The following TATDN2 variants were observed in gnomAD, a reference collection of about 807,000 sequenced individuals.
TATDN2 encodes TatD DNase domain containing 2, also known as 3'-5' RNA nuclease TATDN2.
A neutral mutation model predicts 60.3 loss-of-function variants in TATDN2; 44 were observed. The ratio of observed to expected loss-of-function variants is 0.73; its 90% CI spans 0.57 to 0.94. TATDN2 has a LOEUF of 0.94. Ranked by LOEUF, TATDN2 falls within the 40% of genes least tolerant of loss-of-function variation. The pLI is 0.00. For missense variants in TATDN2, 997 were observed against 948.0 expected (o/e 1.05, Z -0.68); for synonymous variants, 399 against 355.8 (o/e 1.12, Z -1.37).
rs764427919 is a variant in TATDN2, at chr3:10,276,437, A to G, written c.1910A>G (p.Asp637Gly). ...LVIHCREADE[D>G]LLEIMKKFVP... ...ATCCACTGCCGAGAAGCTGATGAAGATCTGCTAGAAATCATGAAAAAGTTT... is the reference window on the plus strand; with the variant it reads ...ATCCACTGCCGAGAAGCTGATGAAGGTCTGCTAGAAATCATGAAAAAGTTT... Residue 637 changes from aspartate (D) to glycine (G), a missense_variant, in exon 5 of 8, where the codon GAT becomes GGT. By Grantham distance (94) the Asp-to-Gly change is moderately conservative. Coordinates refer to ENST00000448281, the MANE Select transcript of TATDN2 (RefSeq NM_014760.4). The G allele has an allele frequency of 6.2e-7, 1 of 1,614,070 alleles. No homozygotes were observed. The highest frequency in any genetic ancestry group is 8.5e-7 in the Non-Finnish European group (1 of 1,179,986).
chr3:10,266,045 A>G (rs1300989611), intron 3 of TATDN2, among the ~76,000 whole-genome samples: 1 of 152,050 alleles, frequency 6.6e-6, no homozygotes, highest in Non-Finnish European at 1.5e-5. Flanking sequence ...TCATTAACCC[A>G]TCTGTTTTCT....
At position 10,279,856 on chromosome 3, in the gene TATDN2, C is replaced by T. The variant is rs542749356; in HGVS notation, c.*674C>T. 6.5e-6 allele frequency: 1 copy of T among 153,432 alleles called. No homozygotes were observed. The highest frequency in any genetic ancestry group is 2.4e-5 in the African/African-American group (1 of 41,502). The allele number at this position is 153,432 out of a possible 1,614,324, so 9.5% of individuals were successfully genotyped here. On this transcript the variant is annotated 3_prime_UTR_variant, in exon 8 of 8. Coordinates refer to ENST00000448281, the MANE Select transcript of TATDN2 (RefSeq NM_014760.4). The stretch of plus-strand genomic sequence containing the variant: ...GGGGTGCAGAGGAGCACTCATTGTC[C>T]ATGATGGAGATCCAGGACAGACTGG...
intron 2 of TATDN2, among the ~76,000 whole-genome samples, chr3:10,257,313 T>TATATATATATATATATATATATATA (rs1698322412): frequency 6.8e-6 from 1 of 146,558 alleles, no homozygotes; most frequent in South Asian, 2.1e-4. Flanking sequence ...TATATATATA[T>TATATATATATATATATATATATATA]GAATTCCTTA....
intron 4 of TATDN2, among the ~76,000 whole-genome samples, chr3:10,271,838 C>T (rs1402240042): frequency 5.3e-5 from 8 of 152,048 alleles, no homozygotes; most frequent in Admixed American, 3.3e-4. Context: ...AAGCGATTCT[C>T]CTGCCTCAGC....
chr3:10,260,809 T>A, intron 3 of TATDN2, 139 bp downstream of exon 3: 5 of 1,004,694 alleles, frequency 5.0e-6, no homozygotes, highest in Non-Finnish European at 7.1e-6. Context: ...AAACTGATGG[T>A]TTTCTTCTAA....
Position 10,278,369 on chromosome 3 carries a change from C to T in TATDN2, c.2052C>T (p.Tyr684=), listed in dbSNP as rs767832062. The T allele has an allele frequency of 5.6e-6, 9 of 1,614,206 alleles. No homozygotes were observed. In the South Asian group the frequency reaches 9.9e-5, roughly 18 times the overall value. Residue 684 remains tyrosine (Y), a synonymous_variant, in exon 6 of 8, where the codon TAC becomes TAT. Transcript: ENST00000448281. This position sits in a 1 kb window ranked among gnomAD's most constrained non-coding sequence, Gnocchi z 4.7. ...MSVGFTAVLT[Y]SSAWEAREAL... Reference sequence around the variant, plus strand: ...TGGGCTTCACGGCAGTGCTGACATACTCCTCTGCCTGGGAGGCCCGGGAAG... The same window carrying T: ...TGGGCTTCACGGCAGTGCTGACATATTCCTCTGCCTGGGAGGCCCGGGAAG...
At position 10,279,484 on chromosome 3, in the gene TATDN2, T is replaced by C. The variant is rs1318325707; in HGVS notation, c.*302T>C. The C allele has an allele frequency of 2.4e-5, 4 of 170,146 alleles. No individual in the cohort carries two copies. Among genetic ancestry groups the C allele is most frequent in the African/African-American group, 9.6e-5 (4 of 41,520 alleles). The allele number at this position is 170,146 out of a possible 1,614,324, so 10.5% of individuals were successfully genotyped here. On this transcript the variant is annotated 3_prime_UTR_variant, in exon 8 of 8. Transcript: ENST00000448281. ...GCAGCAAAGAAGAAAGAGTGCGATA[T>C]GAGGGTACAGTGAGTTTGGCAGTCC...
chr3:10,249,197 G>T lies in TATDN2; in HGVS notation c.-4G>T. On this transcript the variant is annotated splice_region_variant and 5_prime_UTR_variant, in exon 2 of 8. Transcript: ENST00000448281. Reference sequence around the variant, plus strand: ...TCCAGGCCCCCTGTACCTTGCAGGTGCCCATGGCGTCCGAGCGGGGCAAGG... The same window carrying T: ...TCCAGGCCCCCTGTACCTTGCAGGTTCCCATGGCGTCCGAGCGGGGCAAGG... 1 of 1,510,914 alleles carries T rather than the reference G, an allele frequency of 6.6e-7. No homozygotes were observed. Among genetic ancestry groups the T allele is most frequent in the Non-Finnish European group, 8.9e-7 (1 of 1,128,590 alleles). 93.6% of individuals were successfully genotyped at this position (1,510,914 alleles called of 1,614,324 possible). A position where few individuals can be genotyped will look rare whatever the true frequency, so the allele number is the denominator to read the frequency against.
intron 2 of TATDN2, among the ~76,000 whole-genome samples, chr3:10,259,527 C>T (rs375604306): frequency 6.6e-6 from 1 of 152,296 alleles, no homozygotes; most frequent in Middle Eastern, 3.4e-3. Flanking sequence ...GGCTTCACTT[C>T]CGTCTTGGAG....
At chr3:10,254,752 T>C (rs113268588) in intron 2 of TATDN2, among the ~76,000 whole-genome samples, 1,652 of 152,276 alleles carry the variant, frequency 0.011, 24 homozygotes, top group African/African-American at 0.038. Flanking sequence ...TCTCCACTTA[T>C]CTTTCCTTCT....
chr3:10,252,473 T>C (rs1360013339), intron 2 of TATDN2, among the ~76,000 whole-genome samples: 3 of 152,180 alleles, frequency 2.0e-5, no homozygotes, highest in African/African-American at 4.8e-5. Context: ...AAAAACCAAG[T>C]GTACAGTACT....
chr3:10,278,935 G>C lies in TATDN2; in HGVS notation c.2196G>C (p.Thr732=), dbSNP rs769208984. Residue 732 remains threonine, a synonymous_variant, in exon 7 of 8, where the codon ACG becomes ACC. Coordinates refer to ENST00000448281, the MANE Select transcript of TATDN2 (RefSeq NM_014760.4). The surrounding 1 kb of genome is among the most constrained non-coding windows in gnomAD (Gnocchi z 4.7). ...CCCACCCGGGCCTGGCCTTGCATAC[G>C]GTCCGAGAGATTGCCAGAGTCAAAG... The part of the protein sequence containing the change: ...QYAHPGLALH[T]VREIARVKDQ... 3.1e-6 allele frequency: 5 copies of C among 1,612,212 alleles called. No homozygotes were observed. Among genetic ancestry groups the C allele is most frequent in the Middle Eastern group, 1.7e-4 (1 of 6,054 alleles).
chr3:10,279,077 C>CA lies in TATDN2; in HGVS notation c.*38+15dup. ...CTCCTAGAAAAGGTCGTAAAACTCACATTCTGTATTTTTTAAAAACCAGGA... is the reference window on the plus strand; with the variant it reads ...CTCCTAGAAAAGGTCGTAAAACTCACAATTCTGTATTTTTTAAAAACCAGGA... On this transcript the variant is annotated intron_variant, in intron 7 of 7. Transcript: ENST00000448281. 6.3e-7 allele frequency: 1 copy of CA among 1,577,694 alleles called. No homozygotes were observed. The highest frequency in any genetic ancestry group is 1.2e-5 in the South Asian group (1 of 85,948).
chr3:10,270,415 C>T lies in TATDN2; in HGVS notation c.1233C>T (p.Ser411=), dbSNP rs1430020012. Residue 411 remains serine, a synonymous_variant, in exon 4 of 8, where the codon AGC becomes AGT. Coordinates refer to ENST00000448281, the MANE Select transcript of TATDN2 (RefSeq NM_014760.4). ...SSNDAAQVGK[S]SRSRMSDYSP... ...ACGATGCAGCCCAGGTTGGGAAGAG[C>T]AGCCGGAGCCGCATGAGTGATTATT... The T allele has an allele frequency of 2.5e-6, 4 of 1,614,198 alleles. No homozygotes were observed. Among genetic ancestry groups the T allele is most frequent in the South Asian group, 2.2e-5 (2 of 91,086 alleles).
chr3:10,253,417 G>T (rs1024171013), intron 2 of TATDN2, among the ~76,000 whole-genome samples: 2 of 152,174 alleles, frequency 1.3e-5, no homozygotes, highest in East Asian at 3.8e-4. Flanking sequence ...GTGTTAGACT[G>T]GTCATTTTAG....
At chr3:10,267,892 G>A (rs1201692677) in intron 3 of TATDN2, among the ~76,000 whole-genome samples, 1 of 151,788 alleles carries the variant, frequency 6.6e-6, no homozygotes, top group Non-Finnish European at 1.5e-5. Context: ...AATTCAGCAG[G>A]GAAAAAAAAC....
At chr3:10,263,337 C>T (rs897958397) in intron 3 of TATDN2, among the ~76,000 whole-genome samples, 1 of 151,950 alleles carries the variant, frequency 6.6e-6, no homozygotes, top group African/African-American at 2.4e-5. Flanking sequence ...TGTACTTTAG[C>T]TGTGGGAAAA....
intron 5 of TATDN2, among the ~76,000 whole-genome samples, chr3:10,277,504 A>G (rs1453584142): frequency 6.6e-6 from 1 of 152,150 alleles, no homozygotes; most frequent in Non-Finnish European, 1.5e-5. Flanking sequence ...AAGATGGTTG[A>G]GAGGGGTTGG....
intron 3 of TATDN2, among the ~76,000 whole-genome samples, chr3:10,265,397 T>C (rs1276085049): frequency 0.01 from 2 of 200 alleles, no homozygotes; most frequent in Non-Finnish European, 0.012. Flanking sequence ...AAATTAAAAA[T>C]TTTAGCTGGG....
Sources: gnomAD v4.1 joint callset for allele counts (sites outside exome capture counted in the v4.1 genomes callset) on GRCh38, gnomAD v4.1.1 for gene constraint, Gnocchi (gnomAD v3.1) non-coding constraint, MANE v1.5 for transcripts, NCBI Gene and HGNC (gene_info 2026-07-23, HGNC 2026-07-21) for gene names.